The following MOB1B variants were observed in gnomAD, a reference collection of about 807,000 sequenced individuals.
MOB1B encodes MOB1 Mps One Binder homolog B.
In MOB1B, 19 loss-of-function variants were observed where a neutral mutation model predicts 24.4. The ratio of observed to expected loss-of-function variants is 0.78; its 90% CI spans 0.54 to 1.14. The LOEUF is 1.14. Ranked by LOEUF, MOB1B falls within the 50% of genes most tolerant of loss-of-function variation. The pLI is 0.00. For synonymous variants in MOB1B, 76 were observed against 82.1 expected, an observed-to-expected ratio of 0.93 and a Z score of 0.40; for missense variants, 243 against 259.6, an observed-to-expected ratio of 0.94 and a Z score of 0.44.
rs150905711 is a variant in MOB1B at position 70,917,193 on chromosome 4, T to C, written c.14+14643T>C. Reference sequence around the variant, plus strand: ...AGAGTAGTGAACCAGTGTTTTGTTTTTGACTGATTATGAGGCAACGTATGT... The same window carrying C: ...AGAGTAGTGAACCAGTGTTTTGTTTCTGACTGATTATGAGGCAACGTATGT... On this transcript the variant is annotated intron_variant, in intron 1 of 5. Transcript: ENST00000309395. 1.7e-3 allele frequency among the ~76,000 whole-genome samples: 262 copies of C among 152,320 alleles called. 1 individual carries two copies. Among genetic ancestry groups the C allele is most frequent in the African/African-American group, 6.0e-3 (250 of 41,568 alleles).
At chr4:70,917,005 G>C (rs1461173579) in intron 1 of MOB1B, among the ~76,000 whole-genome samples, 26 of 152,214 alleles carry the variant, frequency 1.7e-4, no homozygotes. Flanking sequence ...TTGTGTAACA[G>C]TAGCTTTTAC....
chr4:70,922,234 C>T (rs905818460), intron 1 of MOB1B, among the ~76,000 whole-genome samples: 4 of 152,108 alleles, frequency 2.6e-5, no homozygotes, highest in Non-Finnish European at 5.9e-5. Context: ...AACATATTTC[C>T]CCATATCACA....
intron 1 of MOB1B, among the ~76,000 whole-genome samples, chr4:70,922,055 C>G (rs1236030517): frequency 6.6e-6 from 1 of 152,144 alleles, no homozygotes; most frequent in African/African-American, 2.4e-5. Context: ...ATTATTCTTT[C>G]TTCCACTAAT....
intron 2 of MOB1B, among the ~76,000 whole-genome samples, chr4:70,963,196 T>A (rs770078929): frequency 6.6e-5 from 10 of 151,968 alleles, no homozygotes; most frequent in Non-Finnish European, 1.3e-4. Flanking sequence ...CAAGACCCTG[T>A]CTCTAAGAAA....
At chr4:70,901,932 C>A (rs1578333560), upstream of MOB1B, among the ~76,000 whole-genome samples, 1 of 152,154 alleles carries the variant, frequency 6.6e-6, no homozygotes, top group Non-Finnish European at 1.5e-5. Context: ...CCGTGGTGAA[C>A]TGAGAGATGC....
At chr4:70,927,430 C>T (rs760140459) in intron 1 of MOB1B, among the ~76,000 whole-genome samples, 86 of 152,002 alleles carry the variant, frequency 5.7e-4, no homozygotes, top group Non-Finnish European at 2.2e-4. Context: ...ATCCCAGCTA[C>T]TTGGGAGGCT....
At position 70,950,834 on chromosome 4, in the gene MOB1B, G is replaced by A. The variant is rs1013226849; in HGVS notation, c.15-8040G>A. 2 of 1,289,512 alleles carry A rather than the reference G, an allele frequency of 1.6e-6. 1 individual carries two copies. Among genetic ancestry groups the A allele is most frequent in the South Asian group, 2.5e-5 (2 of 79,054 alleles). The allele number at this position is 1,289,512 out of a possible 1,614,324, so 79.9% of individuals were successfully genotyped here. ...AAGGTTAGTACCTAGAGGCGGAGCAGAGAGAACTAATAGTAGTGAAGTTCT... is the reference window on the plus strand; with the variant it reads ...AAGGTTAGTACCTAGAGGCGGAGCAAAGAGAACTAATAGTAGTGAAGTTCT... On this transcript the variant is annotated intron_variant, in intron 1 of 5. Coordinates refer to ENST00000309395, the MANE Select transcript of MOB1B (RefSeq NM_173468.4).
At chr4:70,954,948 G>C (rs1295025694) in intron 1 of MOB1B, among the ~76,000 whole-genome samples, 4 of 151,864 alleles carry the variant, frequency 2.6e-5, no homozygotes, top group Non-Finnish European at 5.9e-5. Context: ...ATGACACCCA[G>C]CTAATTTTTG....
intron 1 of MOB1B, among the ~76,000 whole-genome samples, chr4:70,938,700 C>T (rs916208906): frequency 1.6e-4 from 2 of 12,280 alleles, no homozygotes; most frequent in Non-Finnish European, 2.9e-4. Context: ...CATCTAGAGG[C>T]GTCACTAATT....
intron 1 of MOB1B, among the ~76,000 whole-genome samples, chr4:70,922,186 T>C (rs1736464658): frequency 1.3e-5 from 2 of 152,220 alleles, no homozygotes; most frequent in African/African-American, 2.4e-5. Context: ...CTATCAGATA[T>C]GGGCATTTAT....
intron 1 of MOB1B, among the ~76,000 whole-genome samples, chr4:70,921,247 A>G (rs188809344): frequency 3.3e-5 from 5 of 152,236 alleles, no homozygotes; most frequent in African/African-American, 1.2e-4. Flanking sequence ...CCTTTAGTTT[A>G]CCAGTACTAT....
intron 1 of MOB1B, among the ~76,000 whole-genome samples, chr4:70,923,570 TTGA>T (rs1736524544): frequency 6.6e-6 from 1 of 152,158 alleles, no homozygotes; most frequent in African/African-American, 2.4e-5. Flanking sequence ...AAATTGAAAT[TTGA>T]TGATAATAGT....
chr4:70,978,047 C>T (rs1433113054), intron 4 of MOB1B, among the ~76,000 whole-genome samples: 1 of 152,130 alleles, frequency 6.6e-6, no homozygotes, highest in Non-Finnish European at 1.5e-5. Context: ...GATCTTTAGT[C>T]TTGTTCATTT....
intron 1 of MOB1B, among the ~76,000 whole-genome samples, chr4:70,950,047 T>A (rs546173550): frequency 6.6e-6 from 1 of 152,278 alleles, no homozygotes; most frequent in East Asian, 1.9e-4. Flanking sequence ...GTGAATGACT[T>A]GATTAAAATG....
At chr4:70,959,087 G>C (rs747786471) in intron 2 of MOB1B, 47 bp downstream of exon 2, 4 of 1,525,840 alleles carry the variant, frequency 2.6e-6, no homozygotes, top group Non-Finnish European at 3.6e-6. Context: ...TAGGGTAATA[G>C]CCTCATTGTT....
intron 1 of MOB1B, among the ~76,000 whole-genome samples, chr4:70,945,555 T>C (rs939096028): frequency 2.6e-5 from 4 of 152,346 alleles, no homozygotes; most frequent in Middle Eastern, 3.4e-3. Context: ...GCTGAAGATA[T>C]AAATTTTGAC....
At chr4:70,955,168 C>T (rs1195174787) in intron 1 of MOB1B, among the ~76,000 whole-genome samples, 1 of 152,066 alleles carries the variant, frequency 6.6e-6, no homozygotes, top group African/African-American at 2.4e-5. Flanking sequence ...AACGTCGGGG[C>T]AGAGTGGTTT....
chr4:70,968,638 A>G (rs1738635457), intron 2 of MOB1B, among the ~76,000 whole-genome samples: 1 of 151,984 alleles, frequency 6.6e-6, no homozygotes, highest in South Asian at 2.1e-4. Flanking sequence ...TTTTTGAGAC[A>G]AGGTCTCGTT....
chr4:70,958,460 C>T (rs1458224467), intron 1 of MOB1B, among the ~76,000 whole-genome samples: 1 of 152,106 alleles, frequency 6.6e-6, no homozygotes, highest in African/African-American at 2.4e-5. Flanking sequence ...GCCACTGTGC[C>T]TGGCTGAACA....
Sources: allele counts gnomAD v4.1 joint callset (sites outside exome capture counted in the v4.1 genomes callset), GRCh38; gene constraint gnomAD v4.1.1; transcripts MANE v1.5; gene names NCBI Gene and HGNC (gene_info 2026-07-23, HGNC 2026-07-21).